The following HOMER3 variants were observed in gnomAD, a reference collection of about 807,000 sequenced individuals.
HOMER3 encodes the protein homer scaffold protein 3.
Under a neutral mutation model 45.5 loss-of-function variants are expected in HOMER3, and 34 were observed. The observed-to-expected ratio is 0.75, with a 90% CI of 0.57 to 1.00. HOMER3 has a LOEUF of 1.00. Among genes scored for constraint, HOMER3 ranks in the 50% least tolerant of loss-of-function variants. The pLI is 0.00. For missense variants in HOMER3, 480 were observed against 497.5 expected (o/e 0.96, Z 0.33); for synonymous variants, 223 against 208.8 (o/e 1.07, Z -0.58).
chr19:18,933,850 G>A (rs1230485771), intron 5 of HOMER3, among the ~76,000 whole-genome samples: 1 of 152,008 alleles, frequency 6.6e-6, no homozygotes, highest in Non-Finnish European at 1.5e-5. Flanking sequence ...GACTACAGGC[G>A]CATGCCACCA....
rs2057057095 is a variant in HOMER3, at chr19:18,933,159, T to C, written c.412-114A>G. On this transcript the variant is annotated intron_variant, in intron 5 of 9. Transcript: ENST00000392351. ...TGACCTATGCACCCTAAGCAGGTCC[T>C]TCACAGCACAGGATCCAAGTGTGTC... is the stretch of plus-strand genomic sequence containing the variant. 9.3e-6 allele frequency: 12 copies of C among 1,294,378 alleles called. 1 individual carries two copies. The highest frequency in any genetic ancestry group is 1.2e-5 in the Non-Finnish European group (12 of 996,954). 80.2% of individuals were successfully genotyped at this position (1,294,378 alleles called of 1,614,324 possible). A position where few individuals can be genotyped will look rare whatever the true frequency, so the allele number is the denominator to read the frequency against.
chr19:18,931,562 C>G lies in HOMER3; in HGVS notation c.754G>C (p.Gly252Arg), dbSNP rs764770947. Residue 252 changes from glycine to arginine, a missense_variant, in exon 8 of 10, where the codon GGC becomes CGC. By Grantham distance (125) the Gly-to-Arg change is moderately radical (BLOSUM62 -2). Transcript: ENST00000392351. ...VTPTGEKEGL[G>R]QGQSLEQLEA... The stretch of plus-strand genomic sequence containing the variant: ...AGCTGTTCCAGCGACTGGCCCTGGC[C>G]CAGCCCCTCCTTCTCACCGGTGGGG... 1.9e-6 allele frequency: 3 copies of G among 1,613,516 alleles called. No individual in the cohort carries two copies. The highest frequency in any genetic ancestry group is 2.5e-6 in the Non-Finnish European group (3 of 1,179,978).
At chr19:18,930,495 G>A (rs1289634940) in intron 9 of HOMER3, among the ~76,000 whole-genome samples, 2 of 151,106 alleles carry the variant, frequency 1.3e-5, no homozygotes, top group African/African-American at 4.9e-5. Context: ...TTGCGCCACT[G>A]CACTCCAGCC....
intron 1 of HOMER3, 22 bp from the exon 2 acceptor site, chr19:18,939,071 T>G: frequency 7.4e-7 from 1 of 1,343,458 alleles, no homozygotes; most frequent in Non-Finnish European, 1.0e-6. Context: ...GGAGGGACTA[T>G]GAGTGTCCCT....
chr19:18,937,653 C>G (rs911813349), intron 4 of HOMER3, among the ~76,000 whole-genome samples: 1 of 108,520 alleles, frequency 9.2e-6, no homozygotes, highest in Non-Finnish European at 1.8e-5. Context: ...GCCTGGGGGA[C>G]AGAGCAAGGC....
chr19:18,934,368 C>A lies in HOMER3; in HGVS notation c.346G>T (p.Ala116Ser), dbSNP rs2057069470. ...FQEVKEAARL[A>S]REKSQDGGEL... ...CCGCCATCCTGAGATTTCTCCCTGGCCAGCCTGGCTGCTTCCTTCACTTCC... is the reference window on the plus strand; with the variant it reads ...CCGCCATCCTGAGATTTCTCCCTGGACAGCCTGGCTGCTTCCTTCACTTCC... Residue 116 changes from alanine (A) to serine (S), a missense_variant, in exon 5 of 10, where the codon GCC (alanine) becomes TCC (serine). Transcript: ENST00000392351. The A allele has an allele frequency of 1.3e-6, 2 of 1,593,686 alleles. No homozygotes were observed. The highest frequency in any genetic ancestry group is 1.7e-5 in the Admixed American group (1 of 57,448).
intron 7 of HOMER3, 29 bp from the exon 8 acceptor site, chr19:18,931,654 GC>G (rs779898277): frequency 1.9e-6 from 3 of 1,566,706 alleles, no homozygotes; most frequent in South Asian, 1.2e-5. Context: ...AGCCCCTGAC[GC>G]CCCCGCCTGC....
chr19:18,939,141 C>G, intron 1 of HOMER3, 92 bp from the exon 2 acceptor site: 2 of 666,660 alleles, frequency 3.0e-6, no homozygotes, highest in Non-Finnish European at 2.4e-6. Flanking sequence ...CAGGTGTGCC[C>G]GTCATGGAAC....
Position 18,941,144 on chromosome 19 carries a change from C to G in HOMER3, c.-161G>C, listed in dbSNP as rs1387323103. 2.0e-5 allele frequency: 3 copies of G among 149,266 alleles called. No homozygotes were observed. The highest frequency in any genetic ancestry group is 4.5e-5 in the Non-Finnish European group (3 of 66,698). 9.2% of individuals were successfully genotyped at this position (149,266 alleles called of 1,614,324 possible). A position where few individuals can be genotyped will look rare whatever the true frequency, so the allele number is the denominator to read the frequency against. On this transcript the variant is annotated 5_prime_UTR_variant, in exon 1 of 10. Coordinates refer to ENST00000392351, the MANE Select transcript of HOMER3 (RefSeq NM_004838.4). ...CGCTGCCGGGCGCCCCGCTCGCTCCCTGGCTCCCGGGCCCGCGCCCTCCGC... is the reference window on the plus strand; with the variant it reads ...CGCTGCCGGGCGCCCCGCTCGCTCCGTGGCTCCCGGGCCCGCGCCCTCCGC...
intron 6 of HOMER3, 72 bp downstream of exon 6, chr19:18,932,852 C>G: frequency 8.3e-7 from 1 of 1,211,446 alleles, no homozygotes; most frequent in Non-Finnish European, 1.1e-6. Flanking sequence ...ACTCCCTTGG[C>G]TTCCAAGAAC....
Position 18,929,366 on chromosome 19 carries a change from C to T in HOMER3, c.*77G>A, listed in dbSNP as rs543987709. ...GGGACCCCCCAGTCCCTTTCCAGGA[C>T]GAATGGGCCCAACTATGCCGCCTGC... On this transcript the variant is annotated 3_prime_UTR_variant, in exon 10 of 10. Transcript: ENST00000392351. 121 of 1,518,320 alleles carry T rather than the reference C, an allele frequency of 8.0e-5. 2 individuals are homozygous for T. Among genetic ancestry groups the T allele is most frequent in the East Asian group, 7.4e-4 (33 of 44,388 alleles). 94.1% of individuals were successfully genotyped at this position (1,518,320 alleles called of 1,614,324 possible).
Position 18,936,282 on chromosome 19 carries a change from C to T in HOMER3, c.304-1872G>A, listed in dbSNP as rs574943610. Among the ~76,000 whole-genome samples, 4 of 150,028 alleles carry T rather than the reference C, an allele frequency of 2.7e-5. No individual in the cohort carries two copies. The East Asian group carries it at 7.8e-4, about 29-fold the overall frequency. On this transcript the variant is annotated intron_variant, in intron 4 of 9. Coordinates refer to ENST00000392351, the MANE Select transcript of HOMER3 (RefSeq NM_004838.4). Reference sequence around the variant, plus strand: ...GAGCCGAGATCGCACCATTGCACTCCAGCCTGGGGGACAAGAGTGAAACTC... The same window carrying T: ...GAGCCGAGATCGCACCATTGCACTCTAGCCTGGGGGACAAGAGTGAAACTC...
At chr19:18,931,223 T>A in intron 9 of HOMER3, 102 bp downstream of exon 9, 1 of 1,047,608 alleles carries the variant, frequency 9.5e-7, no homozygotes, top group Non-Finnish European at 1.4e-6. Flanking sequence ...TCCACAGGAC[T>A]GGGCCTCCCA....
intron 6 of HOMER3, among the ~76,000 whole-genome samples, chr19:18,932,690 G>C (rs2057049624): frequency 1.3e-5 from 2 of 152,110 alleles, no homozygotes; most frequent in African/African-American, 2.4e-5. Flanking sequence ...GACGGGGCGA[G>C]GTTAGCAGCG....
In HOMER3 at chr19:18,933,032, G is replaced by C; in HGVS notation, c.425C>G (p.Pro142Arg). 6.7e-7 allele frequency: 1 copy of C among 1,490,228 alleles called. No homozygotes were observed. 92.3% of individuals were successfully genotyped at this position (1,490,228 alleles called of 1,614,324 possible). Residue 142 changes from proline (P) to arginine (R), a missense_variant, in exon 6 of 10, where the codon CCT becomes CGT. Pro to Arg is a moderately radical substitution (Grantham distance 103). Coordinates refer to ENST00000392351, the MANE Select transcript of HOMER3 (RefSeq NM_004838.4). Reference sequence around the variant, plus strand: ...GCCGGGGCCGTTGGCACTGACGAGAGGGCTCGGGGGCACCTAGGCACGGGG... The same window carrying C: ...GCCGGGGCCGTTGGCACTGACGAGACGGCTCGGGGGCACCTAGGCACGGGG... The part of the protein sequence containing the change: ...GLASHQVPPS[P>R]LVSANGPGEE...
chr19:18,932,662 TAA>T (rs972255967), intron 6 of HOMER3, among the ~76,000 whole-genome samples: 2 of 151,400 alleles, frequency 1.3e-5, no homozygotes, highest in Admixed American at 1.3e-4. Context: ...GTGGTTATCC[TAA>T]GACCAGAGAG....
chr19:18,933,541 T>C (rs2057061334), intron 5 of HOMER3, among the ~76,000 whole-genome samples: 1 of 152,152 alleles, frequency 6.6e-6, no homozygotes, highest in Admixed American at 6.5e-5. Context: ...CGCAGCCCAG[T>C]GCAGGCAGCA....
intron 5 of HOMER3, among the ~76,000 whole-genome samples, chr19:18,933,347 G>A (rs939310864): frequency 1.3e-5 from 2 of 152,216 alleles, no homozygotes; most frequent in African/African-American, 4.8e-5. Context: ...AGGTAGGGGA[G>A]GGGTACAATC....
intron 7 of HOMER3, 35 bp from the exon 8 acceptor site, chr19:18,931,660 G>C (rs763603379): frequency 1.3e-6 from 2 of 1,560,662 alleles, no homozygotes. Context: ...TGACGCCCCC[G>C]CCTGCACTCT....
Sources: gnomAD v4.1 joint callset for allele counts (sites outside exome capture counted in the v4.1 genomes callset) on GRCh38, gnomAD v4.1.1 for gene constraint, MANE v1.5 for transcripts, NCBI Gene and HGNC (gene_info 2026-07-23, HGNC 2026-07-21) for gene names.